The following GRIK4 variants were observed in gnomAD, a reference collection of about 807,000 sequenced individuals.
GRIK4 encodes glutamate ionotropic receptor kainate type subunit 4.
A neutral mutation model predicts 104.9 loss-of-function variants in GRIK4; 40 were observed. The ratio of observed to expected loss-of-function variants is 0.38; its 90% CI spans 0.30 to 0.50. The LOEUF (loss-of-function observed/expected upper bound fraction) is 0.50, where lower values mean the gene tolerates loss of function less well. Among genes scored for constraint, GRIK4 ranks in the 20% least tolerant of loss-of-function variants. The pLI, the probability that GRIK4 is intolerant of heterozygous loss-of-function variation, is 0.93. For synonymous variants in GRIK4, 485 were observed against 524.9 expected (o/e 0.92, Z 1.04); for missense variants, 1,047 against 1,308.1 (o/e 0.80, Z 3.08).
At chr11:120,519,983 C>T (rs1463389795) in intron 1 of GRIK4, among the ~76,000 whole-genome samples, 2 of 151,348 alleles carry the variant, frequency 1.3e-5, no homozygotes, top group African/African-American at 2.4e-5. Flanking sequence ...ACCTCCGCCT[C>T]CTGGGTTCAA....
intron 3 of GRIK4, among the ~76,000 whole-genome samples, chr11:120,682,282 G>C (rs1240382879): frequency 2.0e-5 from 3 of 152,186 alleles, no homozygotes; most frequent in Admixed American, 6.5e-5. Flanking sequence ...GTGGCGGGAG[G>C]GCTTCCCTGC....
chr11:120,587,716 C>T (rs768369262), intron 1 of GRIK4, among the ~76,000 whole-genome samples: 1 of 152,140 alleles, frequency 6.6e-6, no homozygotes, highest in African/African-American at 2.4e-5. Flanking sequence ...ATGGCTCAGC[C>T]AGTGGTCAGC....
chr11:120,517,998 G>A (rs747830045), intron 1 of GRIK4, among the ~76,000 whole-genome samples: 1 of 152,180 alleles, frequency 6.6e-6, no homozygotes, highest in Non-Finnish European at 1.5e-5. Flanking sequence ...GGAAGATAGG[G>A]CACATCTGGA....
Position 120,819,936 on chromosome 11 carries a change from C to T in GRIK4, c.511+16C>T, listed in dbSNP as rs751531054. The T allele has an allele frequency of 1.2e-6, 2 of 1,612,342 alleles. No homozygotes were observed. The highest frequency in any genetic ancestry group is 1.7e-5 in the Admixed American group (1 of 60,004). Reference sequence around the variant, plus strand: ...AAAGCAGAATGTAAGTTTCCCCAGGCTGGCTCTGCCCCAGACAGTCCAGTC... The same window carrying T: ...AAAGCAGAATGTAAGTTTCCCCAGGTTGGCTCTGCCCCAGACAGTCCAGTC... On this transcript the variant is annotated intron_variant, in intron 6 of 20. Coordinates refer to ENST00000527524, the MANE Select transcript of GRIK4 (RefSeq NM_014619.5). The surrounding 1 kb of genome is among the most constrained non-coding windows in gnomAD (Gnocchi z 4.3).
intron 20 of GRIK4, among the ~76,000 whole-genome samples, chr11:120,985,181 C>A (rs1387785712): frequency 6.6e-6 from 1 of 152,156 alleles, no homozygotes; most frequent in African/African-American, 2.4e-5. Context: ...TTGGAGAGTT[C>A]CAAGTTCCTT....
intron 19 of GRIK4, among the ~76,000 whole-genome samples, chr11:120,981,162 G>A (rs1944645683): frequency 6.6e-6 from 1 of 152,168 alleles, no homozygotes; most frequent in Non-Finnish European, 1.5e-5. Context: ...AGTTGAATCA[G>A]GGTGTTTTGT....
At chr11:120,937,259 G>A (rs868563304) in intron 13 of GRIK4, among the ~76,000 whole-genome samples, 2 of 152,022 alleles carry the variant, frequency 1.3e-5, no homozygotes, top group Admixed American at 6.6e-5. Context: ...GGCTGATCTC[G>A]AACTCCTGAC....
At chr11:120,866,212 G>C (rs1220664089) in intron 9 of GRIK4, among the ~76,000 whole-genome samples, 1 of 152,164 alleles carries the variant, frequency 6.6e-6, no homozygotes, top group Admixed American at 6.5e-5. Flanking sequence ...GCTGTTATCC[G>C]GATGCGCCAT....
intron 11 of GRIK4, among the ~76,000 whole-genome samples, chr11:120,886,318 TC>T (rs1955118362): frequency 1.3e-5 from 2 of 152,220 alleles, no homozygotes; most frequent in South Asian, 4.1e-4. Context: ...TTGTGCTTTT[TC>T]TTGGTAATGT....
In GRIK4 at chr11:120,986,665, G is replaced by GAAA; in HGVS notation, c.*415_*417dup. ...ATGTACCCTCCGTCTAGTTCTTACA[G>GAAA]AAAAAAAAAAAATTAAACAGGGAAG... On this transcript the variant is annotated 3_prime_UTR_variant, in exon 21 of 21. Transcript: ENST00000527524. The GAAA allele has an allele frequency of 1.3e-5, 2 of 149,120 alleles. No individual in the cohort carries two copies. The highest frequency in any genetic ancestry group is 2.9e-5 in the Non-Finnish European group (2 of 68,896). The allele number at this position is 149,120 out of a possible 1,614,324, so 9.2% of individuals were successfully genotyped here. A position where few individuals can be genotyped will look rare whatever the true frequency, so the allele number is the denominator to read the frequency against.
intron 1 of GRIK4, among the ~76,000 whole-genome samples, chr11:120,576,742 G>A (rs1303177754): frequency 2.0e-5 from 3 of 152,194 alleles, no homozygotes; most frequent in Admixed American, 2.0e-4. Context: ...ACAAGGCCAC[G>A]GTCATGCTAG....
In GRIK4 at chr11:120,967,165, G is replaced by T; in HGVS notation, c.2267-30G>T. ...ACACCTAACAGGGCATTCACAACCT[G>T]TGTCCTGGGCTCTCCCGTAACCCCC... is the stretch of plus-strand genomic sequence containing the variant. On this transcript the variant is annotated intron_variant, in intron 18 of 20. Transcript: ENST00000527524. This position sits in a 1 kb window ranked among gnomAD's most constrained non-coding sequence, Gnocchi z 4.2. The T allele has an allele frequency of 6.3e-7, 1 of 1,598,300 alleles. No individual in the cohort carries two copies. Among genetic ancestry groups the T allele is most frequent in the Non-Finnish European group, 8.5e-7 (1 of 1,172,188 alleles).
chr11:120,752,157 G>A (rs1951566845), intron 3 of GRIK4, among the ~76,000 whole-genome samples: 1 of 152,188 alleles, frequency 6.6e-6, no homozygotes, highest in Non-Finnish European at 1.5e-5. Flanking sequence ...TGACCAGTGA[G>A]GAACAGACAC....
chr11:120,959,353 A>AG (rs1330032030), intron 16 of GRIK4, among the ~76,000 whole-genome samples: 1 of 152,204 alleles, frequency 6.6e-6, no homozygotes, highest in Non-Finnish European at 1.5e-5. Flanking sequence ...CTGGGGAGGC[A>AG]GCCAGCAAGT....
intron 3 of GRIK4, among the ~76,000 whole-genome samples, chr11:120,782,287 T>TC: frequency 6.8e-6 from 1 of 146,896 alleles, no homozygotes; most frequent in East Asian, 2.0e-4. Context: ...CAGTATGACT[T>TC]TTTTTTTTTT....
At chr11:120,724,372 C>T (rs1206709064) in intron 3 of GRIK4, among the ~76,000 whole-genome samples, 1 of 152,208 alleles carries the variant, frequency 6.6e-6, no homozygotes, top group African/African-American at 2.4e-5. Context: ...ATGTATCTAT[C>T]CATTCACCAG....
chr11:120,704,939 TG>T (rs1950605336), intron 3 of GRIK4, among the ~76,000 whole-genome samples: 1 of 152,208 alleles, frequency 6.6e-6, no homozygotes, highest in African/African-American at 2.4e-5. Context: ...CAGAACCATT[TG>T]TTGAATAGAC....
intron 9 of GRIK4, chr11:120,868,028 G>A (rs954957250): frequency 1.3e-5 from 2 of 152,182 alleles, no homozygotes; most frequent in Non-Finnish European, 2.9e-5. Flanking sequence ...ATTATATTGG[G>A]GGGTAGAGTT....
intron 1 of GRIK4, among the ~76,000 whole-genome samples, chr11:120,570,495 C>T (rs1948384014): frequency 6.6e-6 from 1 of 152,138 alleles, no homozygotes; most frequent in South Asian, 2.1e-4. Flanking sequence ...ACTCTGTCAC[C>T]CAGGCTGGAG....
Sources: gnomAD v4.1 joint callset for allele counts (sites outside exome capture counted in the v4.1 genomes callset) on GRCh38, gnomAD v4.1.1 for gene constraint, Gnocchi (gnomAD v3.1) non-coding constraint, MANE v1.5 for transcripts, NCBI Gene and HGNC (gene_info 2026-07-23, HGNC 2026-07-21) for gene names.